Variants in PFKFB1 observed in about 807,000 individuals in gnomAD.
The protein encoded by PFKFB1 is 6-phosphofructo-2-kinase/fructose-2,6-bisphosphatase 1.
Under a neutral mutation model 46.4 loss-of-function variants are expected in PFKFB1, and 34 were observed. The ratio of observed to expected loss-of-function variants is 0.73; its 90% confidence interval spans 0.56 to 0.98. PFKFB1 has a LOEUF of 0.98. Ranked by LOEUF, PFKFB1 falls within the 50% of genes least tolerant of loss-of-function variation. The probability of loss-of-function intolerance (pLI) is 0.00; values close to 1 mark genes in which losing one functional copy is unlikely to be tolerated. For missense variants in PFKFB1, 393 were observed against 376.3 expected, an observed-to-expected ratio of 1.04 and a Z score of -0.37; for synonymous variants, 119 against 133.8, an observed-to-expected ratio of 0.89 and a Z score of 0.76.
At chrX:54,947,760 A>G (rs1318852034) in intron 9 of PFKFB1, among the ~76,000 whole-genome samples, 1 of 111,093 alleles carries the variant, frequency 9.0e-6, no homozygotes, top group South Asian at 3.8e-4. Context: ...TTGTACCTAC[A>G]GTGCAGGTGA....
intron 10 of PFKFB1, among the ~76,000 whole-genome samples, chrX:54,942,240 T>G (rs1933665162): frequency 9.1e-6 from 1 of 110,067 alleles, no homozygotes; most frequent in African/African-American, 3.3e-5. Context: ...CCGGGGCCTG[T>G]TGTGGGGTGG....
chrX:54,994,959 C>A, upstream of PFKFB1: 1 of 462,626 alleles, frequency 2.2e-6, no homozygotes, highest in Non-Finnish European at 2.7e-6. Flanking sequence ...ACACTGGCAT[C>A]ATGAACTGAT....
upstream of PFKFB1, chrX:54,998,280 C>T (rs1935384931): frequency 3.8e-6 from 2 of 527,238 alleles, no homozygotes; most frequent in East Asian, 7.2e-5. Flanking sequence ...TCTTTTCCCC[C>T]ACTTTCCCAT....
In PFKFB1 at chrX:54,952,095, T is replaced by C. The variant is rs1470438805; in HGVS notation, c.656A>G (p.Lys219Arg). ...GTAGCGTGTGCCCACGTCGAAGATC[T>C]TGATGTAGGACAGGTGGCTGGGCCA... ...EELDSHLSYI[K>R]IFDVGTRYMV... is the part of the protein sequence containing the mutation. The change falls in exon 8 of 14, where the codon AAG becomes AGG. Residue 219 changes from lysine to arginine, a missense_variant. Physicochemically the swap from Lys to Arg is conservative, Grantham distance 26. Transcript: ENST00000375006. 2 of 1,210,513 alleles carry C rather than the reference T, an allele frequency of 1.7e-6. No individual in the cohort carries two copies. The highest frequency in any genetic ancestry group is 1.8e-5 in the South Asian group (1 of 56,820).
intron 1 of PFKFB1, among the ~76,000 whole-genome samples, chrX:54,979,856 C>T (rs955866396): frequency 2.0e-4 from 22 of 111,554 alleles, no homozygotes; most frequent in South Asian, 3.7e-4. Context: ...AAAGACTGGC[C>T]GTCCATTTTG....
intron 10 of PFKFB1, among the ~76,000 whole-genome samples, chrX:54,941,615 C>T (rs191678934): frequency 3.6e-5 from 4 of 112,262 alleles, no homozygotes; most frequent in South Asian, 7.4e-4. Flanking sequence ...AAGAAGACAT[C>T]TATGCAGCCA....
upstream of PFKFB1, chrX:54,994,215 T>G (rs1935319826): frequency 9.6e-6 from 10 of 1,041,489 alleles, no homozygotes; most frequent in Non-Finnish European, 1.2e-5. Context: ...TGCTCCTGTA[T>G]GTACTAGTGG....
rs777882733 is a variant in PFKFB1 at position 54,937,699 on chromosome X, A to T, written c.1124T>A (p.Leu375Gln). 1 of 1,208,445 alleles carries T rather than the reference A, an allele frequency of 8.3e-7. No individual in the cohort carries two copies. The highest frequency in any genetic ancestry group is 1.1e-6 in the Non-Finnish European group (1 of 892,587). The change falls in exon 11 of 14, where the codon CTG (leucine) becomes CAG (glutamine). Residue 375 changes from leucine to glutamine, a missense_variant. By Grantham distance (113) the Leu-to-Gln change is moderately radical. Transcript: ENST00000375006. ...GESYEDLVQR[L>Q]EPVIMELERQ... ...TTCTAGCTCCATTATCACTGGCTCC[A>T]GACGCTGAACCAGATCCTCATAGGA...
Position 54,949,110 on chromosome X carries a change from A to G in PFKFB1, c.958T>C (p.Tyr320His). 2.5e-6 allele frequency: 3 copies of G among 1,211,272 alleles called. No individual in the cohort carries two copies. In the Middle Eastern group the frequency reaches 6.9e-4, roughly 278 times the overall value. The change falls in exon 9 of 14, where the codon TAT becomes CAT. Residue 320 changes from tyrosine (Y) to histidine (H), a missense_variant. Physicochemically the swap from Tyr to His is moderately conservative, Grantham distance 83. Coordinates refer to ENST00000375006, the MANE Select transcript of PFKFB1 (RefSeq NM_002625.4). ...TCATTCAGGGCCTTCCACTGCTCATAGGGGACACCCAGGGCCTCAGCTGTC... is the reference window on the plus strand; with the variant it reads ...TCATTCAGGGCCTTCCACTGCTCATGGGGGACACCCAGGGCCTCAGCTGTC... The part of the protein sequence containing the change: ...IQTAEALGVP[Y>H]EQWKALNEID...
At chrX:54,996,440 A>G (rs916161094), upstream of PFKFB1, among the ~76,000 whole-genome samples, 1 of 112,354 alleles carries the variant, frequency 8.9e-6, no homozygotes, top group Admixed American at 9.4e-5. Flanking sequence ...TTTTGTCCTC[A>G]TGGCCCTGCC....
At chrX:54,949,019 A>T in intron 9 of PFKFB1, 56 bp downstream of exon 9, 2 of 1,177,461 alleles carry the variant, frequency 1.7e-6, no homozygotes, top group Admixed American at 4.4e-5. Context: ...AACCCAGGGG[A>T]TAATCCCAGA....
rs1934006684 is a variant in PFKFB1 at position 54,952,209 on chromosome X, T to A, written c.639-97A>T. ...CCCGAACCACACACCCTTTCAAACC[T>A]CTTCCACAACCCAGCTGTCACCTAA... On this transcript the variant is annotated intron_variant, in intron 7 of 13. Coordinates refer to ENST00000375006, the MANE Select transcript of PFKFB1 (RefSeq NM_002625.4). 4.8e-6 allele frequency: 3 copies of A among 625,130 alleles called. No homozygotes were observed. In the South Asian group the frequency reaches 7.6e-5, roughly 16 times the overall value. The allele number at this position is 625,130 out of a possible 1,213,427, so 51.5% of individuals were successfully genotyped here.
intron 1 of PFKFB1, among the ~76,000 whole-genome samples, chrX:54,978,838 T>C (rs1237868223): frequency 8.9e-6 from 1 of 111,765 alleles, no homozygotes; most frequent in Admixed American, 9.5e-5. Context: ...AAATCTCAAA[T>C]TGAAGGTCAT....
upstream of PFKFB1, among the ~76,000 whole-genome samples, chrX:54,995,946 T>C (rs561669041): frequency 8.3e-4 from 93 of 112,484 alleles, no homozygotes; most frequent in Non-Finnish European, 1.6e-3. Context: ...TCTTTTGATT[T>C]TGTGTAAAGA....
At chrX:54,998,453 G>T (rs767378797), upstream of PFKFB1, 9 of 1,147,463 alleles carry the variant, frequency 7.8e-6, no homozygotes, top group South Asian at 1.3e-4. Flanking sequence ...TCCAACACTC[G>T]GTTCTCTTGC....
intron 10 of PFKFB1, among the ~76,000 whole-genome samples, chrX:54,944,676 T>C (rs772634385): frequency 3.6e-5 from 4 of 112,061 alleles, no homozygotes; most frequent in Non-Finnish European, 7.5e-5. Flanking sequence ...TGCAATTCAC[T>C]GAGAAGACAT....
chrX:54,963,334 C>A lies in PFKFB1; in HGVS notation c.146G>T (p.Gly49Val). 8.3e-7 allele frequency: 1 copy of A among 1,209,096 alleles called. No individual in the cohort carries two copies. Among genetic ancestry groups the A allele is most frequent in the South Asian group, 1.8e-5 (1 of 56,926 alleles). Residue 49 changes from glycine (G) to valine (V), a missense_variant, in exon 2 of 14, where the codon GGT becomes GTT. Coordinates refer to ENST00000375006, the MANE Select transcript of PFKFB1 (RefSeq NM_002625.4). ...ATAGGTCTTGCCTCGAGCTGGTAAA[C>A]CCACCATGATCACCATTGTGGGGGA... Reference protein sequence around the residue: ...TNSPTMVIMVGLPARGKTYIS... With the variant: ...TNSPTMVIMVVLPARGKTYIS...
At chrX:54,941,148 T>C (rs1265769527) in intron 10 of PFKFB1, among the ~76,000 whole-genome samples, 2 of 112,144 alleles carry the variant, frequency 1.8e-5, no homozygotes, top group Non-Finnish European at 3.8e-5. Flanking sequence ...GGGAAAGGCT[T>C]CCCTATTTAA....
intron 10 of PFKFB1, among the ~76,000 whole-genome samples, chrX:54,940,176 T>C (rs1205742885): frequency 6.3e-5 from 7 of 111,813 alleles, no homozygotes; most frequent in African/African-American, 2.3e-4. Flanking sequence ...AAAAGGCCTT[T>C]GACAAAATTC....
Sources: allele counts gnomAD v4.1 joint callset (sites outside exome capture counted in the v4.1 genomes callset), GRCh38; gene constraint gnomAD v4.1.1; transcripts MANE v1.5; gene names NCBI Gene and HGNC (gene_info 2026-07-23, HGNC 2026-07-21).